The following ATP11C variants were observed in gnomAD, a reference collection of about 807,000 sequenced individuals.
The protein encoded by ATP11C is ATPase phospholipid transporting 11C (ATP11C blood group).
In ATP11C, 36 loss-of-function variants were observed where a neutral mutation model predicts 97.4. The observed-to-expected ratio is 0.37, with a 90% confidence interval of 0.28 to 0.49. ATP11C has a LOEUF of 0.49. ATP11C is among the 20% of genes least tolerant of loss of function. The pLI, the probability that ATP11C is intolerant of heterozygous loss-of-function variation, is 0.98. For synonymous variants in ATP11C, 275 were observed against 290.9 expected (o/e 0.95, Z 0.56); for missense variants, 730 against 824.6 (o/e 0.89, Z 1.40).
chrX:139,746,578 T>C (rs948297161), intron 24 of ATP11C, among the ~76,000 whole-genome samples: 2 of 112,183 alleles, frequency 1.8e-5, no homozygotes, highest in African/African-American at 6.5e-5. Flanking sequence ...CAAGATTTAC[T>C]CCTGGAAATT....
At position 139,763,382 on chromosome X, in the gene ATP11C, T is replaced by C. The variant is rs776092185; in HGVS notation, c.2428A>G (p.Ile810Val). The change falls in exon 21 of 30, where the codon ATA becomes GTA. Residue 810 changes from isoleucine (I) to valine (V), a missense_variant. Transcript: ENST00000682941. Reference protein sequence around the residue: ...RMVKNLKGSPITLSIGDGAND... With the variant: ...RMVKNLKGSPVTLSIGDGAND... ...GCACCATCACCTATCGACAGAGTTATTGGGCTGCCTTTTAAATTCTTCACC... is the reference window on the plus strand; with the variant it reads ...GCACCATCACCTATCGACAGAGTTACTGGGCTGCCTTTTAAATTCTTCACC... 5.0e-6 allele frequency: 6 copies of C among 1,208,250 alleles called. No homozygotes were observed. The highest frequency in any genetic ancestry group is 5.9e-5 in the East Asian group (2 of 33,784).
intron 1 of ATP11C, among the ~76,000 whole-genome samples, chrX:139,890,255 G>T (rs995060088): frequency 9.0e-6 from 1 of 111,418 alleles, no homozygotes; most frequent in Non-Finnish European, 1.9e-5. Context: ...GTGTGGTTTT[G>T]TGTGGTGGTT....
chrX:139,799,587 C>T (rs972268812), intron 8 of ATP11C, among the ~76,000 whole-genome samples: 3 of 108,478 alleles, frequency 2.8e-5, no homozygotes, highest in Non-Finnish European at 3.8e-5. Flanking sequence ...AACACAGAGA[C>T]CCTATCACCA....
At chrX:139,742,864 TAAAAAAAA>T in intron 26 of ATP11C, among the ~76,000 whole-genome samples, 1 of 20,134 alleles carries the variant, frequency 5.0e-5, no homozygotes, top group African/African-American at 2.4e-4. Context: ...ATTTTTAAAT[TAAAAAAAA>T]AAAAATATAT....
intron 2 of ATP11C, among the ~76,000 whole-genome samples, chrX:139,822,140 A>C (rs1026183691): frequency 4.4e-5 from 5 of 112,544 alleles, no homozygotes; most frequent in Non-Finnish European, 9.4e-5. Flanking sequence ...TTTAGACACA[A>C]TGATGAGAAT....
intron 29 of ATP11C, among the ~76,000 whole-genome samples, chrX:139,730,381 T>G (rs1463264421): frequency 3.6e-5 from 4 of 111,098 alleles, no homozygotes; most frequent in Admixed American, 9.6e-5. Flanking sequence ...GTCAAAGACC[T>G]TGAAGGTTAC....
intron 1 of ATP11C, among the ~76,000 whole-genome samples, chrX:139,833,418 C>T (rs2083692866): frequency 9.0e-6 from 1 of 111,476 alleles, no homozygotes; most frequent in Non-Finnish European, 1.9e-5. Flanking sequence ...GCGCATTCTT[C>T]CTGGACCTGG....
chrX:139,864,758 A>T (rs1447265651), intron 1 of ATP11C, among the ~76,000 whole-genome samples: 1 of 112,288 alleles, frequency 8.9e-6, no homozygotes, highest in Non-Finnish European at 1.9e-5. Flanking sequence ...ATACAGTTTC[A>T]CTTTCCAAGA....
At chrX:139,839,719 T>C (rs1294683571) in intron 1 of ATP11C, among the ~76,000 whole-genome samples, 2 of 111,688 alleles carry the variant, frequency 1.8e-5, no homozygotes, top group Admixed American at 9.5e-5. Flanking sequence ...CAGGCCCCAC[T>C]TGAATCGTTT....
At chrX:139,802,829 C>T (rs2082953367) in intron 6 of ATP11C, among the ~76,000 whole-genome samples, 1 of 111,823 alleles carries the variant, frequency 8.9e-6, no homozygotes, top group Non-Finnish European at 1.9e-5. Context: ...ACACAAATAG[C>T]TTAATTAATG....
chrX:139,882,043 T>C (rs2084569280), intron 1 of ATP11C, among the ~76,000 whole-genome samples: 2 of 111,705 alleles, frequency 1.8e-5, no homozygotes, highest in South Asian at 7.5e-4. Context: ...GCTTAAGCAG[T>C]TCCCTCTGCC....
intron 1 of ATP11C, among the ~76,000 whole-genome samples, chrX:139,911,075 T>C: frequency 9.0e-6 from 1 of 111,121 alleles, no homozygotes; most frequent in Middle Eastern, 4.7e-3. Context: ...TAGAGAAAGA[T>C]TGCTTAAACA....
intron 18 of ATP11C, among the ~76,000 whole-genome samples, chrX:139,776,003 G>A (rs1208126988): frequency 5.3e-5 from 6 of 112,544 alleles, no homozygotes; most frequent in African/African-American, 1.3e-4. Flanking sequence ...TCTATCCCTC[G>A]GCATGGACTG....
intron 1 of ATP11C, among the ~76,000 whole-genome samples, chrX:139,902,947 C>T (rs996991317): frequency 9.0e-6 from 1 of 110,611 alleles, no homozygotes; most frequent in Non-Finnish European, 1.9e-5. Flanking sequence ...GTTACCAACT[C>T]AAGAGTCTCA....
chrX:139,802,398 A>T, intron 6 of ATP11C, 59 bp from the exon 7 acceptor site: 1 of 691,967 alleles, frequency 1.4e-6, no homozygotes. Flanking sequence ...ATAATCATAC[A>T]CCCAACTGAT....
At chrX:139,806,816 C>T (rs1351495358) in intron 5 of ATP11C, among the ~76,000 whole-genome samples, 2 of 111,330 alleles carry the variant, frequency 1.8e-5, no homozygotes, top group Non-Finnish European at 3.8e-5. Context: ...AATCATAGAC[C>T]CCTTTCTCAT....
At chrX:139,780,299 C>T (rs770902988) in intron 18 of ATP11C, among the ~76,000 whole-genome samples, 2 of 111,388 alleles carry the variant, frequency 1.8e-5, no homozygotes, top group East Asian at 5.6e-4. Flanking sequence ...TAAAAATCCT[C>T]AACAAAATAC....
At chrX:139,913,575 A>T (rs1314166540) in intron 1 of ATP11C, among the ~76,000 whole-genome samples, 1 of 111,508 alleles carries the variant, frequency 9.0e-6, no homozygotes, top group Non-Finnish European at 1.9e-5. Flanking sequence ...TTAACTGATG[A>T]CATTACCTTG....
intron 18 of ATP11C, 134 bp downstream of exon 18, chrX:139,782,413 A>G: frequency 2.6e-6 from 1 of 381,722 alleles, no homozygotes; most frequent in Non-Finnish European, 4.3e-6. Context: ...TACTTGCTAT[A>G]ATAAATAAAT....
Sources: gnomAD v4.1 joint callset for allele counts (sites outside exome capture counted in the v4.1 genomes callset) on GRCh38, gnomAD v4.1.1 for gene constraint, MANE v1.5 for transcripts, NCBI Gene and HGNC (gene_info 2026-07-23, HGNC 2026-07-21) for gene names.